GPHN: variants seen among roughly 807,000 people sequenced by gnomAD.
GPHN encodes the protein gephyrin.
A neutral mutation model predicts 95.5 loss-of-function variants in GPHN; 17 were observed. That is an observed-to-expected ratio of 0.18 (90% CI 0.12 to 0.27). The LOEUF (loss-of-function observed/expected upper bound fraction) is 0.27, where lower values mean the gene tolerates loss of function less well. Ranked by LOEUF, GPHN falls within the 10% of genes least tolerant of loss-of-function variation. GPHN has a pLI of 1.00. For synonymous variants in GPHN, 320 were observed against 322.5 expected, an observed-to-expected ratio of 0.99 and a Z score of 0.08; for missense variants, 660 against 978.1, an observed-to-expected ratio of 0.67 and a Z score of 4.34.
intron 16 of GPHN, among the ~76,000 whole-genome samples, chr14:67,119,605 C>G (rs764582212): frequency 2.6e-5 from 4 of 152,026 alleles, no homozygotes; most frequent in Admixed American, 6.6e-5. Flanking sequence ...GCCTGACCAA[C>G]AGTAGAGAAA....
At chr14:67,249,751 T>A in the GPHN span, among the ~76,000 whole-genome samples, 12 of 152,232 alleles carry the variant, frequency 7.9e-5, no homozygotes, top group Admixed American at 6.5e-4. Flanking sequence ...AGTTTTACAT[T>A]GTCACAGAAA....
At chr14:66,751,296 TTA>T (rs2058353823) in intron 2 of GPHN, among the ~76,000 whole-genome samples, 1 of 152,062 alleles carries the variant, frequency 6.6e-6, no homozygotes, top group Non-Finnish European at 1.5e-5. Context: ...GTTGAACCAA[TTA>T]TATTCCCACT....
At chr14:67,397,772 G>C in the GPHN span, 1 of 1,613,210 alleles carries the variant, frequency 6.2e-7, no homozygotes, top group South Asian at 1.1e-5. Context: ...TAGTACACCA[G>C]CGTGTTCTGC....
At chr14:67,338,483 A>T in the GPHN span, 28 of 933,954 alleles carry the variant, frequency 3.0e-5, no homozygotes, top group Non-Finnish European at 4.5e-5. Context: ...GTAATCCCAT[A>T]AATAGACATC....
chr14:66,774,171 T>C (rs1235730242), intron 2 of GPHN, among the ~76,000 whole-genome samples: 1 of 151,470 alleles, frequency 6.6e-6, no homozygotes, highest in East Asian at 2.0e-4. Context: ...CCCGGCTACT[T>C]TTTTGTATTT....
the GPHN span, chr14:67,204,536 G>A: frequency 1.9e-6 from 3 of 1,611,612 alleles, no homozygotes; most frequent in South Asian, 1.1e-5. Context: ...CTTGTTTGCA[G>A]GTTTCTCCCT....
At chr14:67,190,184 G>A in the GPHN span, among the ~76,000 whole-genome samples, 18 of 150,408 alleles carry the variant, frequency 1.2e-4, 1 homozygote, top group East Asian at 3.5e-3. Flanking sequence ...CAAAATGCTG[G>A]GATTACAGGC....
chr14:67,708,499 A>G, the GPHN span, among the ~76,000 whole-genome samples: 3 of 152,174 alleles, frequency 2.0e-5, no homozygotes, highest in Middle Eastern at 3.2e-3. Flanking sequence ...TCTGTGGATG[A>G]TGAAAGGTTT....
chr14:67,426,226 C>T, the GPHN span, among the ~76,000 whole-genome samples: 6 of 152,164 alleles, frequency 3.9e-5, no homozygotes, highest in African/African-American at 1.4e-4. Flanking sequence ...AGATTCCCCA[C>T]ACAAAGGAGA....
intron 1 of GPHN, among the ~76,000 whole-genome samples, chr14:66,596,683 G>A (rs6573689): frequency 0.25 from 38,425 of 152,148 alleles, 9,785 homozygotes; most frequent in African/African-American, 0.62. Context: ...GAGAGGCTAG[G>A]CAGCAGGAGC....
the GPHN span, among the ~76,000 whole-genome samples, chr14:67,304,828 G>T: frequency 6.6e-6 from 1 of 152,124 alleles, no homozygotes; most frequent in Admixed American, 6.5e-5. Context: ...ACTTTAAAGT[G>T]TTGAATTAAC....
intron 2 of GPHN, among the ~76,000 whole-genome samples, chr14:66,735,159 C>T (rs1489553651): frequency 6.6e-6 from 1 of 152,078 alleles, no homozygotes; most frequent in Admixed American, 6.6e-5. Context: ...CCAGGGTACC[C>T]CAGACTGCCA....
At chr14:66,943,480 T>A (rs2144060) in intron 8 of GPHN, among the ~76,000 whole-genome samples, 77,063 of 152,032 alleles carry the variant, frequency 0.51, 22,402 homozygotes, top group African/African-American at 0.8. Context: ...AATAGTTCTT[T>A]AAACCCAAAA....
intron 1 of GPHN, among the ~76,000 whole-genome samples, chr14:66,522,441 A>G (rs1037378726): frequency 1.2e-4 from 18 of 152,220 alleles, no homozygotes. Flanking sequence ...CATATAATGC[A>G]TCCCTCCATT....
At chr14:66,887,333 T>C (rs1334876499) in intron 5 of GPHN, among the ~76,000 whole-genome samples, 2 of 152,188 alleles carry the variant, frequency 1.3e-5, no homozygotes, top group South Asian at 2.1e-4. Context: ...CTCACACCTA[T>C]AATCCCAGTG....
chr14:66,517,568 A>G (rs943076377), intron 1 of GPHN, among the ~76,000 whole-genome samples: 2 of 152,246 alleles, frequency 1.3e-5, no homozygotes, highest in Non-Finnish European at 2.9e-5. Flanking sequence ...TAACCAAAAC[A>G]GCATGGTACT....
the GPHN span, among the ~76,000 whole-genome samples, chr14:67,366,718 C>T: frequency 6.6e-6 from 1 of 152,134 alleles, no homozygotes; most frequent in Non-Finnish European, 1.5e-5. Context: ...CTAGACAAGC[C>T]TTTCAACGTA....
chr14:67,266,826 T>C, the GPHN span, among the ~76,000 whole-genome samples: 2 of 152,116 alleles, frequency 1.3e-5, no homozygotes, highest in Non-Finnish European at 2.9e-5. Context: ...ACTTCGTTTC[T>C]TGGCTGGGCA....
chr14:67,111,085 C>T (rs1203556068), intron 14 of GPHN, among the ~76,000 whole-genome samples: 1 of 152,256 alleles, frequency 6.6e-6, no homozygotes, highest in South Asian at 2.1e-4. Context: ...TCTCCCAAGC[C>T]GAGTAGATAG....
Sources: allele counts gnomAD v4.1 joint callset (sites outside exome capture counted in the v4.1 genomes callset), GRCh38; gene constraint gnomAD v4.1.1; transcripts MANE v1.5; gene names NCBI Gene and HGNC (gene_info 2026-07-23, HGNC 2026-07-21).